MIEF1: variants seen among roughly 807,000 people sequenced by gnomAD.
MIEF1 encodes mitochondrial dynamics protein MIEF1.
MIEF1 carries 14 observed loss-of-function variants against 35.1 expected under a neutral mutation model. The observed-to-expected ratio is 0.40, with a 90% CI of 0.26 to 0.62. The LOEUF is 0.62. Ranked by LOEUF, MIEF1 falls within the 20% of genes least tolerant of loss-of-function variation. MIEF1 has a pLI of 0.43. For synonymous variants in MIEF1, 245 were observed against 254.3 expected (o/e 0.96, Z 0.35); for missense variants, 542 against 615.4 (o/e 0.88, Z 1.26).
chr22:39,507,497 G>T (rs1386106072), intron 2 of MIEF1, among the ~76,000 whole-genome samples: 1 of 151,538 alleles, frequency 6.6e-6, no homozygotes, highest in Non-Finnish European at 1.5e-5. Context: ...TGCCCACCTT[G>T]GCCTCCCAAA....
chr22:39,515,610 T>C lies in MIEF1; in HGVS notation c.*1287T>C, dbSNP rs1469125164. The C allele has an allele frequency of 1.8e-5, 9 of 496,808 alleles. No individual in the cohort carries two copies. Among genetic ancestry groups the C allele is most frequent in the African/African-American group, 1.7e-4 (9 of 51,694 alleles). The allele number at this position is 496,808 out of a possible 1,614,324, so 30.8% of individuals were successfully genotyped here. A position where few individuals can be genotyped will look rare whatever the true frequency, so the allele number is the denominator to read the frequency against. On this transcript the variant is annotated 3_prime_UTR_variant, in exon 6 of 6. Transcript: ENST00000325301. ...GGGAGGAGGTGGGCATTTCCTACAT[T>C]CCTCCTTGTTTGCCGCTGCTGAGAT...
intron 1 of MIEF1, 106 bp from the exon 2 acceptor site, chr22:39,504,097 C>T (rs552674005): frequency 4.3e-5 from 17 of 396,438 alleles, no homozygotes; most frequent in Admixed American, 8.8e-5. Flanking sequence ...TGACCTGGAG[C>T]GGGGGGTCTC....
intron 2 of MIEF1, among the ~76,000 whole-genome samples, chr22:39,506,661 C>G (rs1166135817): frequency 6.6e-6 from 1 of 152,212 alleles, no homozygotes; most frequent in Non-Finnish European, 1.5e-5. Context: ...GGAACTTTCA[C>G]ACTTCTGTGC....
rs147520921 is a variant in MIEF1 at position 39,508,521 on chromosome 22, G to A, written c.-7-2767G>A. 3.9e-3 allele frequency among the ~76,000 whole-genome samples: 591 copies of A among 152,356 alleles called. 3 individuals carry two copies. The highest frequency in any genetic ancestry group is 0.014 in the African/African-American group (578 of 41,586). ...GAGACATTGTTATGTGTGGGGAAAT[G>A]TATAGTGTTCTGCTTTTCTCCTGAT... On this transcript the variant is annotated intron_variant, in intron 2 of 5. Transcript: ENST00000325301.
At chr22:39,510,934 G>A (rs907624201) in intron 2 of MIEF1, among the ~76,000 whole-genome samples, 11 of 152,198 alleles carry the variant, frequency 7.2e-5, no homozygotes, top group African/African-American at 2.7e-4. Flanking sequence ...TTGTGAAGGG[G>A]TAGAGACCTG....
At position 39,514,344 on chromosome 22, in the gene MIEF1, G is replaced by C. The variant is rs553210294; in HGVS notation, c.*21G>C. On this transcript the variant is annotated 3_prime_UTR_variant, in exon 6 of 6. Coordinates refer to ENST00000325301, the MANE Select transcript of MIEF1 (RefSeq NM_019008.6). Reference sequence around the variant, plus strand: ...CGTAGGGCAGGTGAAGGCCAAAGCGGGTGTTGGTGGTCAGGCCCTGGATTC... The same window carrying C: ...CGTAGGGCAGGTGAAGGCCAAAGCGCGTGTTGGTGGTCAGGCCCTGGATTC... 6.2e-7 allele frequency: 1 copy of C among 1,608,486 alleles called. No homozygotes were observed. The highest frequency in any genetic ancestry group is 1.3e-5 in the African/African-American group (1 of 74,944).
At position 39,502,313 on chromosome 22, in the gene MIEF1, C is replaced by G. The variant is rs576194991; in HGVS notation, c.-464C>G. The stretch of plus-strand genomic sequence containing the variant: ...CCACTCGCCCTCGTGCTCCCTTCAG[C>G]CCCTTCGCAGCTCCGTGCGCAAGGT... On this transcript the variant is annotated 5_prime_UTR_variant, in exon 1 of 6. Coordinates refer to ENST00000325301, the MANE Select transcript of MIEF1 (RefSeq NM_019008.6). The G allele has an allele frequency of 6.6e-6, 1 of 152,458 alleles. No individual in the cohort carries two copies. Among genetic ancestry groups the G allele is most frequent in the South Asian group, 2.1e-4 (1 of 4,832 alleles). The allele number at this position is 152,458 out of a possible 1,614,324, so 9.4% of individuals were successfully genotyped here. A position where few individuals can be genotyped will look rare whatever the true frequency, so the allele number is the denominator to read the frequency against.
rs1009602335 is a variant in MIEF1 at position 39,514,997 on chromosome 22, A to G, written c.*674A>G. On this transcript the variant is annotated 3_prime_UTR_variant, in exon 6 of 6. Coordinates refer to ENST00000325301, the MANE Select transcript of MIEF1 (RefSeq NM_019008.6). Reference sequence around the variant, plus strand: ...TGGGAACACTGTTAATGACCCACACAGGATAAGCTGAATGCAAAGTTATTT... The same window carrying G: ...TGGGAACACTGTTAATGACCCACACGGGATAAGCTGAATGCAAAGTTATTT... The G allele has an allele frequency of 3.3e-5, 17 of 510,704 alleles. No individual in the cohort carries two copies. The highest frequency in any genetic ancestry group is 5.5e-5 in the Non-Finnish European group (16 of 288,490). The allele number at this position is 510,704 out of a possible 1,614,324, so 31.6% of individuals were successfully genotyped here.
chr22:39,509,770 C>T (rs1298336456), intron 2 of MIEF1, among the ~76,000 whole-genome samples: 2 of 152,172 alleles, frequency 1.3e-5, no homozygotes, highest in Non-Finnish European at 2.9e-5. Flanking sequence ...CATGGAGGGA[C>T]CTTTCTCACA....
chr22:39,511,631 C>G (rs1308691413), intron 3 of MIEF1, among the ~76,000 whole-genome samples, 193 bp downstream of exon 3: 1 of 152,200 alleles, frequency 6.6e-6, no homozygotes, highest in Non-Finnish European at 1.5e-5. Context: ...CCAGATATTA[C>G]AAACAGTTTT....
rs1172836588 is a variant in MIEF1, at chr22:39,515,354, G to A, written c.*1031G>A. On this transcript the variant is annotated 3_prime_UTR_variant, in exon 6 of 6. Coordinates refer to ENST00000325301, the MANE Select transcript of MIEF1 (RefSeq NM_019008.6). ...GTTTGGTGGCCATGTTTTCTACCCA[G>A]ACAGGCCCTGCTTTTCTAGGATGTG... is the stretch of plus-strand genomic sequence containing the variant. 1.4e-6 allele frequency: 1 copy of A among 717,616 alleles called. No individual in the cohort carries two copies. The allele number at this position is 717,616 out of a possible 1,614,324, so 44.5% of individuals were successfully genotyped here.
intron 2 of MIEF1, among the ~76,000 whole-genome samples, chr22:39,508,950 G>A (rs1930191165): frequency 6.6e-6 from 1 of 152,036 alleles, no homozygotes; most frequent in Admixed American, 6.6e-5. Flanking sequence ...CTTGTAACAC[G>A]GTATTAGAAG....
At chr22:39,501,977 G>A (rs1456222569), upstream of MIEF1, 1 of 152,386 alleles carries the variant, frequency 6.6e-6, no homozygotes, top group East Asian at 1.9e-4. Context: ...ATACAGTACA[G>A]GAGGCTGGCC....
Position 39,518,054 on chromosome 22 carries a change from TGAGG to T in MIEF1, c.*3736_*3739del, listed in dbSNP as rs1930771854. 1 of 153,740 alleles carries T rather than the reference TGAGG, an allele frequency of 6.5e-6. No individual in the cohort carries two copies. Among genetic ancestry groups the T allele is most frequent in the African/African-American group, 2.4e-5 (1 of 41,462 alleles). The allele number at this position is 153,740 out of a possible 1,614,324, so 9.5% of individuals were successfully genotyped here. A position where few individuals can be genotyped will look rare whatever the true frequency, so the allele number is the denominator to read the frequency against. ...AGAGACCTGCTGTCCTTTTTCTCCT[TGAGG>T]GAGGAAATAAAACTGCGGAATACAA... is the stretch of plus-strand genomic sequence containing the variant. On this transcript the variant is annotated 3_prime_UTR_variant, in exon 6 of 6. Coordinates refer to ENST00000325301, the MANE Select transcript of MIEF1 (RefSeq NM_019008.6).
Position 39,516,329 on chromosome 22 carries a change from A to G in MIEF1, c.*2006A>G, listed in dbSNP as rs1402936165. On this transcript the variant is annotated 3_prime_UTR_variant, in exon 6 of 6. Transcript: ENST00000325301. ...AAAAGTATAGATTATTCATTGAGAT[A>G]AAGGATTTGGTTTCCCTGCCATGAG... The G allele has an allele frequency of 2.0e-5, 3 of 152,240 alleles. No individual in the cohort carries two copies. Among genetic ancestry groups the G allele is most frequent in the Admixed American group, 2.0e-4 (3 of 15,276 alleles). The allele number at this position is 152,240 out of a possible 1,614,324, so 9.4% of individuals were successfully genotyped here.
rs1321809307 is a variant in MIEF1, at chr22:39,514,164, C to T, written c.1233C>T (p.Ala411=). The T allele has an allele frequency of 2.5e-6, 4 of 1,614,124 alleles. No homozygotes were observed. The highest frequency in any genetic ancestry group is 3.4e-6 in the Non-Finnish European group (4 of 1,180,054). The change falls in exon 6 of 6, where the codon GCC becomes GCT. Residue 411 remains alanine, a synonymous_variant. Coordinates refer to ENST00000325301, the MANE Select transcript of MIEF1 (RefSeq NM_019008.6). ...PDMLADRFLQ[A]LRGLISYLEA... Reference sequence around the variant, plus strand: ...TGCTGGCCGACCGTTTCCTGCAGGCCTTGAGGGGACTTATCAGCTACTTAG... The same window carrying T: ...TGCTGGCCGACCGTTTCCTGCAGGCTTTGAGGGGACTTATCAGCTACTTAG...
rs1370373833 is a variant in MIEF1 at position 39,514,901 on chromosome 22, G to A, written c.*578G>A. ...GGTAGAAGAGTTGGCCTTTGACCAC[G>A]GTTCCTGGAGTAGAAGTCCATCCTC... On this transcript the variant is annotated 3_prime_UTR_variant, in exon 6 of 6. Coordinates refer to ENST00000325301, the MANE Select transcript of MIEF1 (RefSeq NM_019008.6). The A allele has an allele frequency of 1.1e-5, 3 of 276,010 alleles. No individual in the cohort carries two copies. The highest frequency in any genetic ancestry group is 6.6e-5 in the African/African-American group (3 of 45,472). The allele number at this position is 276,010 out of a possible 1,614,324, so 17.1% of individuals were successfully genotyped here. A position where few individuals can be genotyped will look rare whatever the true frequency, so the allele number is the denominator to read the frequency against.
chr22:39,508,583 G>A (rs1052263086), intron 2 of MIEF1, among the ~76,000 whole-genome samples: 9 of 152,180 alleles, frequency 5.9e-5, no homozygotes, highest in African/African-American at 1.9e-4. Context: ...GGTTTGTCCC[G>A]TCTCTATCTC....
intron 1 of MIEF1, among the ~76,000 whole-genome samples, chr22:39,502,870 A>G (rs1253715746): frequency 6.6e-6 from 1 of 152,178 alleles, no homozygotes; most frequent in Non-Finnish European, 1.5e-5. Flanking sequence ...TTGAGGAAAA[A>G]TGGGCAGGGA....
Sources: gnomAD v4.1 joint callset for allele counts (sites outside exome capture counted in the v4.1 genomes callset) on GRCh38, gnomAD v4.1.1 for gene constraint, MANE v1.5 for transcripts, NCBI Gene and HGNC (gene_info 2026-07-23, HGNC 2026-07-21) for gene names.